Variants in IKBKE observed in about 807,000 individuals in gnomAD.
IKBKE encodes the protein inhibitor of nuclear factor kappa-B kinase subunit epsilon.
Under a neutral mutation model 92.1 loss-of-function variants are expected in IKBKE, and 45 were observed. That is an observed-to-expected ratio of 0.49 (90% CI 0.38 to 0.63). The LOEUF (loss-of-function observed/expected upper bound fraction) is 0.63, where lower values mean the gene tolerates loss of function less well. Among genes scored for constraint, IKBKE ranks in the 20% least tolerant of loss-of-function variants. The pLI is 0.00. For synonymous variants in IKBKE, 374 were observed against 380.3 expected (o/e 0.98, Z 0.19); for missense variants, 700 against 932.8 (o/e 0.75, Z 3.25).
At position 206,481,766 on chromosome 1, in the gene IKBKE, C is replaced by CTTT. The variant is rs71152472; in HGVS notation, c.1427+1262_1427+1264dup. 6.0e-3 allele frequency among the ~76,000 whole-genome samples: 280 copies of CTTT among 46,558 alleles called. 46 individuals are homozygous for CTTT. The highest frequency in any genetic ancestry group is 8.6e-3 in the Non-Finnish European group (227 of 26,324). 30.5% of individuals were successfully genotyped at this position (46,558 alleles called of 152,430 possible). A position where few individuals can be genotyped will look rare whatever the true frequency, so the allele number is the denominator to read the frequency against. On this transcript the variant is annotated intron_variant, in intron 13 of 21. Coordinates refer to ENST00000581977, the MANE Select transcript of IKBKE (RefSeq NM_014002.4). ...ACGGAGGCCTTCCTGAAGGATGAGG[C>CTTT]TTTTTTTTTTTTTTTTTTTTTTTTT...
chr1:206,496,002 A>C (rs1176359011), intron 21 of IKBKE, 110 bp from the exon 22 acceptor site: 2 of 744,898 alleles, frequency 2.7e-6, no homozygotes, highest in African/African-American at 3.5e-5. Flanking sequence ...GGGAGAGCTG[A>C]GGACTTGAAT....
rs565925188 is a variant in IKBKE, at chr1:206,493,306, C to A, written c.1973C>A (p.Ala658Glu). 1 of 1,614,100 alleles carries A rather than the reference C, an allele frequency of 6.2e-7. No homozygotes were observed. The highest frequency in any genetic ancestry group is 8.5e-7 in the Non-Finnish European group (1 of 1,180,016). ...ELSHQLLQDR[A>E]KGAQASPPPI... ...TCTCACCAGCTCCTTCAGGACCGAG[C>A]AAAGGGGGCTCAGGCCTCGCCGCCT... Residue 658 changes from alanine (A) to glutamate (E), a missense_variant, in exon 20 of 22, where the codon GCA becomes GAA. Physicochemically the swap from Ala to Glu is moderately radical, Grantham distance 107. Transcript: ENST00000581977.
chr1:206,489,288 T>C (rs782171004), intron 16 of IKBKE, among the ~76,000 whole-genome samples: 1 of 147,788 alleles, frequency 6.8e-6, no homozygotes, highest in African/African-American at 2.5e-5. Context: ...TATTCACATA[T>C]ATATAACATT....
chr1:206,485,143 A>G lies in IKBKE; in HGVS notation c.1504-51A>G. The G allele has an allele frequency of 6.3e-7, 1 of 1,588,344 alleles. No individual in the cohort carries two copies. The highest frequency in any genetic ancestry group is 8.6e-7 in the Non-Finnish European group (1 of 1,156,464). On this transcript the variant is annotated intron_variant, in intron 14 of 21. Coordinates refer to ENST00000581977, the MANE Select transcript of IKBKE (RefSeq NM_014002.4). The surrounding 1 kb of genome is among the most constrained non-coding windows in gnomAD (Gnocchi z 5.0). ...GGCCCGTGTTCCAGCCAGCCTGCCC[A>G]CCAGTGCCCAGGCTGAAGACCCCAC... is the stretch of plus-strand genomic sequence containing the variant.
rs782627812 is a variant in IKBKE, at chr1:206,476,186, G to A, written c.364G>A (p.Gly122Ser). ...GCCTCCCCGTCTGTCCCCAGTGGCCGGCATGAACCACCTGCGGGAGAACGG... is the reference window on the plus strand; with the variant it reads ...GCCTCCCCGTCTGTCCCCAGTGGCCAGCATGAACCACCTGCGGGAGAACGG... ...FLVVLRCVVA[G>S]MNHLRENGIV... The change falls in exon 6 of 22, where the codon GGC (glycine) becomes AGC (serine). Residue 122 changes from glycine to serine, a missense_variant. Transcript: ENST00000581977. This position sits in a 1 kb window ranked among gnomAD's most constrained non-coding sequence, Gnocchi z 5.1. The A allele has an allele frequency of 1.7e-5, 28 of 1,613,858 alleles. No homozygotes were observed. Among genetic ancestry groups the A allele is most frequent in the South Asian group, 1.2e-4 (11 of 91,056 alleles).
At chr1:206,489,045 T>C (rs1014993597) in intron 16 of IKBKE, among the ~76,000 whole-genome samples, 14 of 151,698 alleles carry the variant, frequency 9.2e-5, no homozygotes, top group African/African-American at 3.4e-4. Context: ...ATTGATTACA[T>C]GCTAATATAT....
At chr1:206,492,475 A>C in intron 18 of IKBKE, 1 of 471,212 alleles carries the variant, frequency 2.1e-6, no homozygotes, top group South Asian at 1.5e-5. Context: ...AACCCACCAC[A>C]CATTCTGGTG....
intron 16 of IKBKE, 124 bp downstream of exon 16, chr1:206,488,114 T>G (rs1467825371): frequency 1.4e-6 from 1 of 706,926 alleles, no homozygotes; most frequent in Non-Finnish European, 2.5e-6. Flanking sequence ...AACCTCCAGC[T>G]GGTGGTTCTT....
intron 20 of IKBKE, among the ~76,000 whole-genome samples, chr1:206,493,640 T>G (rs1666071974): frequency 6.6e-6 from 1 of 152,056 alleles, no homozygotes; most frequent in African/African-American, 2.4e-5. Context: ...AATACAAAAT[T>G]TAGCCGGGTG....
intron 13 of IKBKE, among the ~76,000 whole-genome samples, chr1:206,483,857 T>A (rs1463962244): frequency 6.6e-6 from 1 of 152,222 alleles, no homozygotes; most frequent in Non-Finnish European, 1.5e-5. Flanking sequence ...TCTGGACTCA[T>A]CTAGAGCTTC....
At chr1:206,488,263 T>C (rs1665768261) in intron 16 of IKBKE, among the ~76,000 whole-genome samples, 1 of 152,214 alleles carries the variant, frequency 6.6e-6, no homozygotes, top group African/African-American at 2.4e-5. Flanking sequence ...GATCACATGG[T>C]TGGGGGATCC....
intron 13 of IKBKE, among the ~76,000 whole-genome samples, chr1:206,484,446 A>C (rs143568282): frequency 7.1e-4 from 108 of 152,346 alleles, no homozygotes; most frequent in Non-Finnish European, 1.3e-3. Flanking sequence ...TAGAAGAAAG[A>C]AGCAGAGTGG....
chr1:206,489,369 GTA>G (rs368827445), intron 16 of IKBKE, among the ~76,000 whole-genome samples: 24,572 of 116,972 alleles, frequency 0.21, 2,366 homozygotes, highest in African/African-American at 0.25. Context: ...GTGTGTGTGT[GTA>G]TATATATATA....
At position 206,493,292 on chromosome 1, in the gene IKBKE, C is replaced by T. The variant is rs142331757; in HGVS notation, c.1959C>T (p.Leu653=). ...TCCTGGAAGAGCTATCTCACCAGCTCCTTCAGGACCGAGCAAAGGGGGCTC... is the reference window on the plus strand; with the variant it reads ...TCCTGGAAGAGCTATCTCACCAGCTTCTTCAGGACCGAGCAAAGGGGGCTC... ...SKLLEELSHQ[L]LQDRAKGAQA... The change falls in exon 20 of 22, where the codon CTC becomes CTT. Residue 653 remains leucine (L), a synonymous_variant. Transcript: ENST00000581977. 262 of 1,613,988 alleles carry T rather than the reference C, an allele frequency of 1.6e-4. No individual in the cohort carries two copies. Among genetic ancestry groups the T allele is most frequent in the Admixed American group, 2.8e-4 (17 of 60,010 alleles).
chr1:206,480,753 G>A (rs1001629079), intron 13 of IKBKE, among the ~76,000 whole-genome samples: 3 of 152,170 alleles, frequency 2.0e-5, no homozygotes, highest in Non-Finnish European at 2.9e-5. Context: ...GCAGGGGAAG[G>A]GGCCCATGGG....
At chr1:206,475,286 T>C (rs1326332706) in intron 5 of IKBKE, among the ~76,000 whole-genome samples, 1 of 152,176 alleles carries the variant, frequency 6.6e-6, no homozygotes, top group East Asian at 1.9e-4. Flanking sequence ...GGATGGACCT[T>C]GATGACATTA....
At position 206,490,878 on chromosome 1, in the gene IKBKE, G is replaced by T; in HGVS notation, c.1733+20G>T. 1 of 1,612,888 alleles carries T rather than the reference G, an allele frequency of 6.2e-7. No individual in the cohort carries two copies. Among genetic ancestry groups the T allele is most frequent in the African/African-American group, 1.3e-5 (1 of 75,024 alleles). The stretch of plus-strand genomic sequence containing the variant: ...GGATAAGTGAGTGGCCTGTCCTCCG[G>T]CAGGTGGGTGGGCAGGAGGGTGGGT... On this transcript the variant is annotated intron_variant, in intron 17 of 21. Transcript: ENST00000581977. The surrounding 1 kb of genome is among the most constrained non-coding windows in gnomAD (Gnocchi z 5.2).
intron 16 of IKBKE, among the ~76,000 whole-genome samples, chr1:206,488,730 T>A (rs1179644412): frequency 1.3e-5 from 2 of 152,216 alleles, no homozygotes; most frequent in African/African-American, 4.8e-5. Flanking sequence ...GGTCTTGGGC[T>A]TTATTGCCAA....
intron 18 of IKBKE, chr1:206,492,668 C>A (rs900772973): frequency 2.4e-5 from 12 of 503,404 alleles, no homozygotes; most frequent in Admixed American, 1.8e-4. Context: ...AGAGCGTGGG[C>A]AGTTCCCCAC....
Sources: allele counts gnomAD v4.1 joint callset (sites outside exome capture counted in the v4.1 genomes callset), GRCh38; gene constraint gnomAD v4.1.1; non-coding constraint Gnocchi (gnomAD v3.1); transcripts MANE v1.5; gene names NCBI Gene and HGNC (gene_info 2026-07-23, HGNC 2026-07-21).